The following CDK6 variants were observed in gnomAD, a reference collection of about 807,000 sequenced individuals.
CDK6 encodes cyclin-dependent kinase 6.
Under a neutral mutation model 37.1 loss-of-function variants are expected in CDK6, and 6 were observed. That is an observed-to-expected ratio of 0.16 (90% CI 0.09 to 0.32). The LOEUF is 0.32. Ranked by LOEUF, CDK6 falls within the 10% of genes least tolerant of loss-of-function variation. The pLI is 1.00. For synonymous variants in CDK6, 160 were observed against 161.3 expected (o/e 0.99, Z 0.06); for missense variants, 224 against 418.9 (o/e 0.53, Z 4.06).
intron 4 of CDK6, among the ~76,000 whole-genome samples, chr7:92,696,158 A>C (rs1459365964): frequency 6.6e-6 from 1 of 152,224 alleles, no homozygotes; most frequent in East Asian, 1.9e-4. Context: ...GGGAGAAGGA[A>C]GCATCCAATT....
rs189470815 is a variant in CDK6, at chr7:92,667,943, T to C, written c.647+3483A>G. ...GAAAAATATTTTTAGATAAATTTAGTGTAGCCTAAGTGTACAGTGTTTATA... is the reference window on the plus strand; with the variant it reads ...GAAAAATATTTTTAGATAAATTTAGCGTAGCCTAAGTGTACAGTGTTTATA... On this transcript the variant is annotated intron_variant, in intron 5 of 7. Transcript: ENST00000424848. Among the ~76,000 whole-genome samples the C allele has an allele frequency of 1.5e-3, 234 of 152,346 alleles. 1 individual carries two copies. Among genetic ancestry groups the C allele is most frequent in the African/African-American group, 5.2e-3 (216 of 41,582 alleles).
chr7:92,751,163 A>G (rs1288883062), intron 3 of CDK6, among the ~76,000 whole-genome samples: 1 of 152,202 alleles, frequency 6.6e-6, no homozygotes, highest in Non-Finnish European at 1.5e-5. Context: ...TCGAAATGCT[A>G]AAATTCCATT....
chr7:92,737,814 A>C (rs2115615276), intron 3 of CDK6, among the ~76,000 whole-genome samples: 1 of 152,292 alleles, frequency 6.6e-6, no homozygotes, highest in African/African-American at 2.4e-5. Context: ...ACTTAGCTTC[A>C]TTTGGTCAAA....
intron 4 of CDK6, among the ~76,000 whole-genome samples, chr7:92,693,730 T>C (rs1008448952): frequency 6.6e-6 from 1 of 152,246 alleles, no homozygotes; most frequent in African/African-American, 2.4e-5. Context: ...AATTAGCCTC[T>C]GTGAATAGCT....
intron 4 of CDK6, among the ~76,000 whole-genome samples, chr7:92,717,470 AAAAGAAAG>A: frequency 6.6e-6 from 1 of 151,920 alleles, no homozygotes; most frequent in Non-Finnish European, 1.5e-5. Flanking sequence ...GAAAGAAAGA[AAAAGAAAG>A]AAAGAAAGAA....
intron 2 of CDK6, among the ~76,000 whole-genome samples, chr7:92,784,910 G>A (rs1027149100): frequency 5.9e-5 from 9 of 152,162 alleles, no homozygotes; most frequent in African/African-American, 2.2e-4. Context: ...GGAAAGCGTG[G>A]CATTCTGAGT....
rs1417342033 is a variant in CDK6 at position 92,608,785 on chromosome 7, G to C, written c.*6355C>G. On this transcript the variant is annotated 3_prime_UTR_variant, in exon 8 of 8. Coordinates refer to ENST00000424848, the MANE Select transcript of CDK6 (RefSeq NM_001145306.2). ...GCACTCTGACCTCGGAAAGCAGCCC[G>C]CGGGGCCGCACATAATTTCAGGCAC... The C allele has an allele frequency of 4.3e-6, 1 of 231,764 alleles. No homozygotes were observed. The highest frequency in any genetic ancestry group is 6.1e-5 in the East Asian group (1 of 16,408). The allele number at this position is 231,764 out of a possible 1,614,324, so 14.4% of individuals were successfully genotyped here. A position where few individuals can be genotyped will look rare whatever the true frequency, so the allele number is the denominator to read the frequency against.
chr7:92,762,168 A>G (rs1415560185), intron 3 of CDK6, among the ~76,000 whole-genome samples: 1 of 152,220 alleles, frequency 6.6e-6, no homozygotes, highest in East Asian at 1.9e-4. Flanking sequence ...GGGGGGGACA[A>G]GAATTAGCAA....
intron 4 of CDK6, among the ~76,000 whole-genome samples, chr7:92,695,660 A>G (rs1797700637): frequency 6.6e-6 from 1 of 152,202 alleles, no homozygotes; most frequent in Admixed American, 6.5e-5. Flanking sequence ...CTCTGCTTCA[A>G]CTTCCATAAA....
At chr7:92,818,654 G>C (rs1360841349) in intron 2 of CDK6, among the ~76,000 whole-genome samples, 2 of 151,872 alleles carry the variant, frequency 1.3e-5, no homozygotes, top group Non-Finnish European at 2.9e-5. Context: ...GAAATGAAAA[G>C]GTAAGCCAAA....
At chr7:92,795,423 T>C (rs1201048345) in intron 2 of CDK6, among the ~76,000 whole-genome samples, 2 of 152,126 alleles carry the variant, frequency 1.3e-5, no homozygotes, top group Admixed American at 6.6e-5. Flanking sequence ...AAAGTCTAAA[T>C]CCTCTGGGTA....
At chr7:92,719,578 AGT>A (rs1585426859) in intron 4 of CDK6, among the ~76,000 whole-genome samples, 1 of 152,332 alleles carries the variant, frequency 6.6e-6, no homozygotes, top group African/African-American at 2.4e-5. Context: ...AATTTTATTA[AGT>A]CACTAAAAAG....
chr7:92,612,930 G>A lies in CDK6; in HGVS notation c.*2210C>T, dbSNP rs1044395011. 2.1e-5 allele frequency: 5 copies of A among 232,856 alleles called. No individual in the cohort carries two copies. The highest frequency in any genetic ancestry group is 1.8e-4 in the South Asian group (1 of 5,524). 14.4% of individuals were successfully genotyped at this position (232,856 alleles called of 1,614,324 possible). A position where few individuals can be genotyped will look rare whatever the true frequency, so the allele number is the denominator to read the frequency against. ...AAAATGTCTTTGTATTTTGACCCTCGATCAAAGGAAAGGCAGAACTCACTT... is the reference window on the plus strand; with the variant it reads ...AAAATGTCTTTGTATTTTGACCCTCAATCAAAGGAAAGGCAGAACTCACTT... On this transcript the variant is annotated 3_prime_UTR_variant, in exon 8 of 8. Transcript: ENST00000424848.
chr7:92,705,024 T>C (rs1228848388), intron 4 of CDK6, among the ~76,000 whole-genome samples: 1 of 152,234 alleles, frequency 6.6e-6, no homozygotes, highest in Non-Finnish European at 1.5e-5. Flanking sequence ...AAAAATCTAA[T>C]CTAACATTCT....
intron 2 of CDK6, among the ~76,000 whole-genome samples, chr7:92,827,936 C>T (rs945431430): frequency 2.6e-5 from 4 of 152,114 alleles, no homozygotes; most frequent in Non-Finnish European, 5.9e-5. Flanking sequence ...ATTATGCCAT[C>T]TAATTTTTAA....
intron 2 of CDK6, among the ~76,000 whole-genome samples, chr7:92,823,815 G>C (rs1031942270): frequency 2.6e-5 from 4 of 151,936 alleles, no homozygotes; most frequent in African/African-American, 9.7e-5. Flanking sequence ...GAAATGCAAA[G>C]ATGTCTTTTT....
chr7:92,738,000 T>C (rs562259720), intron 3 of CDK6, among the ~76,000 whole-genome samples: 80 of 152,298 alleles, frequency 5.3e-4, no homozygotes, highest in South Asian at 1.7e-3. Flanking sequence ...TTGGGTAGAG[T>C]TGCACGCACA....
Position 92,665,330 on chromosome 7 carries a change from T to C in CDK6, c.647+6096A>G, listed in dbSNP as rs140253440. ...ATCCAATCTCATCCTTTAAGCTGAC[T>C]AGTTGGCCACTAACCAAATTTATAA... On this transcript the variant is annotated intron_variant, in intron 5 of 7. Coordinates refer to ENST00000424848, the MANE Select transcript of CDK6 (RefSeq NM_001145306.2). Among the ~76,000 whole-genome samples, 257 of 152,300 alleles carry C rather than the reference T, an allele frequency of 1.7e-3. 3 individuals carry two copies. Among genetic ancestry groups the C allele is most frequent in the African/African-American group, 6.0e-3 (249 of 41,562 alleles).
chr7:92,620,101 G>A (rs1378979906), intron 6 of CDK6, among the ~76,000 whole-genome samples: 1 of 152,030 alleles, frequency 6.6e-6, no homozygotes, highest in African/African-American at 2.4e-5. Context: ...ATAACTCCTA[G>A]AAATATTTAA....
Sources: allele counts gnomAD v4.1 joint callset (sites outside exome capture counted in the v4.1 genomes callset), GRCh38; gene constraint gnomAD v4.1.1; transcripts MANE v1.5; gene names NCBI Gene and HGNC (gene_info 2026-07-23, HGNC 2026-07-21).